Variants in PRIM2 observed in about 807,000 individuals in gnomAD.
The protein encoded by PRIM2 is DNA primase large subunit.
A neutral mutation model predicts 67.3 loss-of-function variants in PRIM2; 39 were observed. The ratio of observed to expected loss-of-function variants is 0.58; its 90% CI spans 0.45 to 0.76. PRIM2 has a LOEUF of 0.76. PRIM2 is among the 30% of genes least tolerant of loss of function. The pLI, the probability that PRIM2 is intolerant of heterozygous loss-of-function variation, is 0.00. For synonymous variants in PRIM2, 143 were observed against 198.7 expected (o/e 0.72, Z 2.36); for missense variants, 398 against 598.7 (o/e 0.66, Z 3.50).
At chr6:57,297,358 C>T in the PRIM2 span, among the ~76,000 whole-genome samples, 2 of 152,154 alleles carry the variant, frequency 1.3e-5, no homozygotes, top group South Asian at 2.1e-4. Context: ...AGGAGAATCG[C>T]TTGAACCTGG....
intron 7 of PRIM2, among the ~76,000 whole-genome samples, chr6:57,412,825 A>G (rs1361388961): frequency 6.6e-6 from 1 of 152,122 alleles, no homozygotes; most frequent in Non-Finnish European, 1.5e-5. Flanking sequence ...ACAAAGGCAT[A>G]AGGCTATATA....
At chr6:57,441,908 C>T (rs1365894152) in intron 7 of PRIM2, among the ~76,000 whole-genome samples, 2 of 151,712 alleles carry the variant, frequency 1.3e-5, no homozygotes, top group African/African-American at 4.8e-5. Context: ...TTTGCCTCCC[C>T]ATATAATATT....
chr6:57,307,639 G>A, the PRIM2 span, among the ~76,000 whole-genome samples: 1 of 152,146 alleles, frequency 6.6e-6, no homozygotes, highest in Non-Finnish European at 1.5e-5. Flanking sequence ...AAGTCAATAT[G>A]TTACTGTCTC....
At chr6:57,556,994 A>G (rs1270048825) in intron 10 of PRIM2, among the ~76,000 whole-genome samples, 2 of 140,540 alleles carry the variant, frequency 1.4e-5, no homozygotes, top group South Asian at 2.5e-4. Context: ...TAAAGAAGAC[A>G]TACATGTGGC....
intron 5 of PRIM2, among the ~76,000 whole-genome samples, chr6:57,340,241 C>A (rs1195859372): frequency 6.6e-6 from 1 of 152,186 alleles, no homozygotes; most frequent in Non-Finnish European, 1.5e-5. Flanking sequence ...AATAGGAACA[C>A]TTTTACACAG....
intron 10 of PRIM2, among the ~76,000 whole-genome samples, chr6:57,543,094 C>T (rs1775209069): frequency 6.7e-6 from 1 of 148,606 alleles, no homozygotes; most frequent in Non-Finnish European, 1.5e-5. Flanking sequence ...CGCCCGCCAC[C>T]TCGCCCGGCT....
chr6:57,382,173 G>A lies in PRIM2; in HGVS notation c.693+5G>A, dbSNP rs962091264. ...AAACTGTCCAAGGCTTTGGCAGTGAGTATTTTACTTGATTTCTGTATCTGA... is the reference window on the plus strand; with the variant it reads ...AAACTGTCCAAGGCTTTGGCAGTGAATATTTTACTTGATTTCTGTATCTGA... On this transcript the variant is annotated splice_donor_5th_base_variant and intron_variant, in intron 7 of 13. Coordinates refer to ENST00000615550, the MANE Select transcript of PRIM2 (RefSeq NM_000947.5). 6.2e-6 allele frequency: 10 copies of A among 1,611,388 alleles called. No individual in the cohort carries two copies. Among genetic ancestry groups the A allele is most frequent in the African/African-American group, 2.7e-5 (2 of 74,880 alleles).
At chr6:57,437,260 A>G (rs1456171790) in intron 7 of PRIM2, among the ~76,000 whole-genome samples, 1 of 152,260 alleles carries the variant, frequency 6.6e-6, no homozygotes, top group Admixed American at 6.5e-5. Flanking sequence ...TGCATGACCC[A>G]GTGACCTCTC....
At chr6:57,232,774 A>G in the PRIM2 span, among the ~76,000 whole-genome samples, 1 of 152,162 alleles carries the variant, frequency 6.6e-6, no homozygotes, top group Non-Finnish European at 1.5e-5. Flanking sequence ...TTCTTCCCTG[A>G]ATGTTTTCTT....
Position 57,543,040 on chromosome 6 carries a change from C to A in PRIM2, c.1020+5415C>A, listed in dbSNP as rs1259890809. 6.2e-3 allele frequency among the ~76,000 whole-genome samples: 897 copies of A among 145,318 alleles called. 37 individuals carry two copies. The highest frequency in any genetic ancestry group is 0.058 in the Admixed American group (840 of 14,412). On this transcript the variant is annotated intron_variant, in intron 10 of 13. Coordinates refer to ENST00000615550, the MANE Select transcript of PRIM2 (RefSeq NM_000947.5). ...TGCAGGCTCCGCCCCCTGGGCTTCA[C>A]GCCATTCTCCTGCCTCAGCCTCCCG... is the stretch of plus-strand genomic sequence containing the variant.
rs551957740 is a variant in PRIM2, at chr6:57,363,439, G to T, written c.460-16462G>T. Reference sequence around the variant, plus strand: ...TTTCAAGTGAAATGTGTTTTTTTATGTTTTATTACTATATACTATACCTTT... The same window carrying T: ...TTTCAAGTGAAATGTGTTTTTTTATTTTTTATTACTATATACTATACCTTT... On this transcript the variant is annotated intron_variant, in intron 5 of 13. Transcript: ENST00000615550. Among the ~76,000 whole-genome samples the T allele has an allele frequency of 6.6e-5, 10 of 152,160 alleles. No homozygotes were observed. The East Asian group carries it at 1.9e-3, about 29-fold the overall frequency.
intron 12 of PRIM2, among the ~76,000 whole-genome samples, chr6:57,608,288 C>T (rs1439420556): frequency 1.2e-4 from 18 of 152,086 alleles, no homozygotes; most frequent in Middle Eastern, 3.4e-3. Context: ...GATTTCTTTT[C>T]ATGGAGAGAA....
At chr6:57,485,522 T>A (rs1482515257) in intron 7 of PRIM2, among the ~76,000 whole-genome samples, 7 of 152,152 alleles carry the variant, frequency 4.6e-5, no homozygotes, top group Admixed American at 4.6e-4. Flanking sequence ...TGAGCAAGTA[T>A]TGGTTTATGC....
intron 5 of PRIM2, among the ~76,000 whole-genome samples, chr6:57,375,076 T>G (rs1386421591): frequency 9.9e-5 from 15 of 152,264 alleles, no homozygotes; most frequent in Non-Finnish European, 1.5e-4. Flanking sequence ...CTTGCCTGAT[T>G]GCCTTAGCAG....
At chr6:57,600,018 A>G (rs1257718219) in intron 10 of PRIM2, among the ~76,000 whole-genome samples, 2 of 152,152 alleles carry the variant, frequency 1.3e-5, no homozygotes, top group African/African-American at 2.4e-5. Context: ...CTACCATTTA[A>G]TAACTGTTGT....
At chr6:57,398,673 G>T (rs1211118482) in intron 7 of PRIM2, among the ~76,000 whole-genome samples, 1 of 152,192 alleles carries the variant, frequency 6.6e-6, no homozygotes, top group Non-Finnish European at 1.5e-5. Context: ...ATTTGGTCCA[G>T]TGTTGAGTTC....
At chr6:57,424,299 A>G (rs550326691) in intron 7 of PRIM2, among the ~76,000 whole-genome samples, 1 of 152,334 alleles carries the variant, frequency 6.6e-6, no homozygotes, top group East Asian at 1.9e-4. Flanking sequence ...TAACAAAAAG[A>G]TAGTACATTT....
intron 9 of PRIM2, among the ~76,000 whole-genome samples, chr6:57,534,487 A>G (rs1308417728): frequency 2.6e-5 from 4 of 152,240 alleles, no homozygotes; most frequent in African/African-American, 9.6e-5. Flanking sequence ...CTATCTGTAT[A>G]TAGCCAGACA....
chr6:57,294,860 A>G, the PRIM2 span, among the ~76,000 whole-genome samples: 5 of 150,768 alleles, frequency 3.3e-5, no homozygotes, highest in African/African-American at 1.2e-4. Flanking sequence ...CCCAGTCTGG[A>G]GTGCAGTGGC....
Sources: gnomAD v4.1 joint callset for allele counts (sites outside exome capture counted in the v4.1 genomes callset) on GRCh38, gnomAD v4.1.1 for gene constraint, MANE v1.5 for transcripts, NCBI Gene and HGNC (gene_info 2026-07-23, HGNC 2026-07-21) for gene names.